Variants in FARP2 observed in about 807,000 individuals in gnomAD.
FARP2 encodes the protein FERM, ARHGEF and pleckstrin domain-containing protein 2.
In FARP2, 111 loss-of-function variants were observed where a neutral mutation model predicts 130.5. The observed-to-expected ratio is 0.85, with a 90% confidence interval of 0.73 to 1.00. The LOEUF is 1.00. FARP2 is among the 50% of genes least tolerant of loss of function. The pLI is 0.00. For missense variants in FARP2, 1,385 were observed against 1,346.3 expected, an observed-to-expected ratio of 1.03 and a Z score of -0.45; for synonymous variants, 504 against 516.9, an observed-to-expected ratio of 0.98 and a Z score of 0.34.
chr2:241,478,891 C>G, intron 19 of FARP2: 1 of 396,230 alleles, frequency 2.5e-6, no homozygotes, highest in South Asian at 2.4e-5. Flanking sequence ...AGGCCAAGTT[C>G]CTCTATGTGG....
rs1175067570 is a variant in FARP2 at position 241,475,792 on chromosome 2, G to T, written c.2132-65G>T. The T allele has an allele frequency of 7.1e-7, 1 of 1,405,706 alleles. No homozygotes were observed. The highest frequency in any genetic ancestry group is 9.4e-7 in the Non-Finnish European group (1 of 1,059,606). 87.1% of individuals were successfully genotyped at this position (1,405,706 alleles called of 1,614,324 possible). A position where few individuals can be genotyped will look rare whatever the true frequency, so the allele number is the denominator to read the frequency against. ...AGAATGCTGGTTCCTGTCACAAGGT[G>T]GTGGGTGGAGGGTGCTGTGCACACC... On this transcript the variant is annotated intron_variant, in intron 18 of 26. Coordinates refer to ENST00000264042, the MANE Select transcript of FARP2 (RefSeq NM_014808.4). This position sits in a 1 kb window ranked among gnomAD's most constrained non-coding sequence, Gnocchi z 4.4.
chr2:241,360,392 G>C (rs937540240), intron 1 of FARP2, among the ~76,000 whole-genome samples: 1 of 152,174 alleles, frequency 6.6e-6, no homozygotes, highest in Non-Finnish European at 1.5e-5. Flanking sequence ...TGTAATCATA[G>C]CACTTTGGGA....
At chr2:241,464,076 GA>G in intron 17 of FARP2, 96 bp downstream of exon 17, 2 of 996,020 alleles carry the variant, frequency 2.0e-6, no homozygotes, top group Non-Finnish European at 3.1e-6. Context: ...CGTCCCCTCA[GA>G]AAAGGGTCCC....
At chr2:241,437,658 A>ATTTTTTTTTTTTT (rs1478318608) in intron 12 of FARP2, among the ~76,000 whole-genome samples, 4 of 134,380 alleles carry the variant, frequency 3.0e-5, no homozygotes, top group Admixed American at 2.8e-4. Flanking sequence ...ATATTTATTT[A>ATTTTTTTTTTTTT]TTTATTTATT....
At chr2:241,463,665 G>T (rs532794765) in intron 16 of FARP2, 197 bp downstream of exon 16, 3 of 715,854 alleles carry the variant, frequency 4.2e-6, no homozygotes, top group African/African-American at 1.8e-5. Flanking sequence ...AGTGCAAGGA[G>T]CAAGTTAAAA....
intron 12 of FARP2, among the ~76,000 whole-genome samples, chr2:241,440,232 T>A (rs1253806096): frequency 6.6e-6 from 1 of 152,204 alleles, no homozygotes; most frequent in Non-Finnish European, 1.5e-5. Flanking sequence ...GTTATTCAGT[T>A]GTGTTTGGTT....
At chr2:241,467,261 A>G (rs2064195614) in intron 17 of FARP2, among the ~76,000 whole-genome samples, 1 of 152,184 alleles carries the variant, frequency 6.6e-6, no homozygotes, top group South Asian at 2.1e-4. Flanking sequence ...GTATCCAAAC[A>G]AACAAAAAAA....
intron 2 of FARP2, among the ~76,000 whole-genome samples, chr2:241,386,274 G>A (rs2061781214): frequency 6.6e-6 from 1 of 152,130 alleles, no homozygotes; most frequent in East Asian, 1.9e-4. Context: ...TTTTAGAGAT[G>A]GGGTCCCGCT....
At chr2:241,371,929 T>G (rs559433437) in intron 1 of FARP2, among the ~76,000 whole-genome samples, 101 of 152,262 alleles carry the variant, frequency 6.6e-4, no homozygotes, top group African/African-American at 2.3e-3. Context: ...ACTAGCCTGA[T>G]CTTCGTTAAA....
intron 7 of FARP2, among the ~76,000 whole-genome samples, chr2:241,414,997 C>G (rs1454124473): frequency 6.6e-6 from 1 of 152,200 alleles, no homozygotes; most frequent in Non-Finnish European, 1.5e-5. Flanking sequence ...GTGGCAATTA[C>G]GGACAGCTCT....
At chr2:241,384,278 C>T (rs1000183885) in intron 2 of FARP2, among the ~76,000 whole-genome samples, 6 of 152,156 alleles carry the variant, frequency 3.9e-5, no homozygotes, top group Admixed American at 3.3e-4. Context: ...CTGGAATGTT[C>T]TATGCACATG....
intron 8 of FARP2, among the ~76,000 whole-genome samples, chr2:241,418,520 G>T (rs1419073979): frequency 2.0e-5 from 3 of 152,122 alleles, no homozygotes; most frequent in Non-Finnish European, 4.4e-5. Flanking sequence ...TGTGATCTGG[G>T]CTGGACTGTG....
intron 12 of FARP2, 23 bp downstream of exon 12, chr2:241,436,561 T>TG (rs1413693661): frequency 3.7e-6 from 6 of 1,607,412 alleles, no homozygotes; most frequent in Non-Finnish European, 5.1e-6. Context: ...CGGTTCAACA[T>TG]GGGGGCAGTA....
intron 2 of FARP2, among the ~76,000 whole-genome samples, chr2:241,377,469 G>T (rs1239656300): frequency 6.6e-6 from 1 of 152,024 alleles, no homozygotes; most frequent in Non-Finnish European, 1.5e-5. Flanking sequence ...AGCCTCCCGA[G>T]TAGCTGGGAC....
intron 13 of FARP2, among the ~76,000 whole-genome samples, chr2:241,453,262 A>T (rs1167159649): frequency 1.3e-5 from 2 of 151,694 alleles, no homozygotes; most frequent in African/African-American, 4.8e-5. Context: ...CCCAGGAAGC[A>T]GAGGTTGAAG....
intron 12 of FARP2, among the ~76,000 whole-genome samples, chr2:241,439,353 A>G (rs1456303982): frequency 6.6e-6 from 1 of 151,654 alleles, no homozygotes; most frequent in African/African-American, 2.4e-5. Flanking sequence ...TTTTTGAGAC[A>G]GAGTCTCGCT....
intron 2 of FARP2, among the ~76,000 whole-genome samples, chr2:241,384,868 A>T (rs1010910451): frequency 6.6e-6 from 1 of 152,242 alleles, no homozygotes; most frequent in Non-Finnish European, 1.5e-5. Flanking sequence ...TAAAGTAAAC[A>T]TCTTAAATCA....
At chr2:241,426,868 C>T (rs1228728704) in intron 8 of FARP2, among the ~76,000 whole-genome samples, 2 of 152,174 alleles carry the variant, frequency 1.3e-5, no homozygotes, top group Non-Finnish European at 2.9e-5. Flanking sequence ...CTATTTATTT[C>T]TCCTTTTATC....
At chr2:241,368,208 C>T (rs959230745) in intron 1 of FARP2, among the ~76,000 whole-genome samples, 5 of 152,098 alleles carry the variant, frequency 3.3e-5, no homozygotes, top group East Asian at 1.9e-4. Context: ...CAAATTGTAT[C>T]GGCCACCAGA....
Sources: allele counts gnomAD v4.1 joint callset (sites outside exome capture counted in the v4.1 genomes callset), GRCh38; gene constraint gnomAD v4.1.1; non-coding constraint Gnocchi (gnomAD v3.1); transcripts MANE v1.5; gene names NCBI Gene and HGNC (gene_info 2026-07-23, HGNC 2026-07-21).